The following SGCD variants were observed in gnomAD, a reference collection of about 807,000 sequenced individuals.
SGCD encodes the protein delta-sarcoglycan.
Under a neutral mutation model 36.6 loss-of-function variants are expected in SGCD, and 18 were observed. The observed-to-expected ratio is 0.49, with a 90% CI of 0.34 to 0.73. The LOEUF (loss-of-function observed/expected upper bound fraction) is 0.73. Ranked by LOEUF, SGCD falls within the 30% of genes least tolerant of loss-of-function variation. The probability of loss-of-function intolerance (pLI) is 0.01; values close to 1 mark genes in which losing one functional copy is unlikely to be tolerated. For missense variants in SGCD, 387 were observed against 346.7 expected, an observed-to-expected ratio of 1.12 and a Z score of -0.92; for synonymous variants, 133 against 130.6, an observed-to-expected ratio of 1.02 and a Z score of -0.12.
chr5:156,330,869 G>T (rs533691540), intron 2 of SGCD, among the ~76,000 whole-genome samples: 1 of 152,192 alleles, frequency 6.6e-6, no homozygotes, highest in Non-Finnish European at 1.5e-5. Context: ...GGTCCTGGCT[G>T]TGTGGCCATA....
chr5:156,444,013 A>T (rs1054593282), intron 3 of SGCD, among the ~76,000 whole-genome samples: 4 of 151,456 alleles, frequency 2.6e-5, no homozygotes, highest in African/African-American at 9.7e-5. Flanking sequence ...AACAAAACAG[A>T]TACTTGCTGA....
intron 7 of SGCD, among the ~76,000 whole-genome samples, chr5:156,673,889 A>G (rs973573393): frequency 2.6e-5 from 4 of 152,192 alleles, no homozygotes; most frequent in Non-Finnish European, 5.9e-5. Flanking sequence ...GTTATTCATG[A>G]TGGAGAATAT....
chr5:156,360,245 AT>A (rs34088944), intron 3 of SGCD, among the ~76,000 whole-genome samples: 20,068 of 137,976 alleles, frequency 0.15, 1,236 homozygotes, highest in Middle Eastern at 0.28. Flanking sequence ...CCCTTTCCTA[AT>A]TTTTTTTTTT....
At chr5:155,898,761 C>T (rs773502623) in intron 1 of SGCD, among the ~76,000 whole-genome samples, 7 of 152,104 alleles carry the variant, frequency 4.6e-5, no homozygotes, top group East Asian at 1.9e-4. Flanking sequence ...AAAACAAGCT[C>T]GTGAGGTTGC....
chr5:156,579,589 G>C (rs1760153111), intron 4 of SGCD, among the ~76,000 whole-genome samples: 2 of 152,056 alleles, frequency 1.3e-5, no homozygotes, highest in South Asian at 4.2e-4. Context: ...TATGAATCTG[G>C]GTGCTCCTGT....
In SGCD at chr5:155,969,121, A is replaced by T. The variant is rs75125959; in HGVS notation, c.-282+98697A>T. Among the ~76,000 whole-genome samples, 1,308 of 152,184 alleles carry T rather than the reference A, an allele frequency of 8.6e-3. 8 individuals carry two copies. The highest frequency in any genetic ancestry group is 0.015 in the Non-Finnish European group (1,049 of 67,986). On this transcript the variant is annotated intron_variant, in intron 1 of 9. Coordinates refer to the SGCD transcript ENST00000517913. ...TACAAAAAAAGGTATTGCTGTGAACATCTGTATGTATGTCTCCTTATGCCT... is the reference window on the plus strand; with the variant it reads ...TACAAAAAAAGGTATTGCTGTGAACTTCTGTATGTATGTCTCCTTATGCCT...
chr5:156,697,750 CGGATGGAT>C (rs10544582), intron 7 of SGCD, among the ~76,000 whole-genome samples: 3,798 of 149,132 alleles, frequency 0.025, 141 homozygotes, highest in East Asian at 0.16. Context: ...GATGGACGGA[CGGATGGAT>C]GGATGGATGG....
intron 3 of SGCD, among the ~76,000 whole-genome samples, chr5:156,350,789 T>A (rs539237397): frequency 6.6e-6 from 1 of 152,334 alleles, no homozygotes; most frequent in South Asian, 2.1e-4. Context: ...ATGTCTCTTC[T>A]GTGCTACTCA....
intron 6 of SGCD, among the ~76,000 whole-genome samples, chr5:156,611,964 A>T (rs1232688685): frequency 6.6e-6 from 1 of 152,164 alleles, no homozygotes; most frequent in East Asian, 1.9e-4. Flanking sequence ...TCTCATTCAG[A>T]TGATGAATTT....
At chr5:155,982,582 T>C (rs1463777142) in intron 1 of SGCD, among the ~76,000 whole-genome samples, 1 of 152,188 alleles carries the variant, frequency 6.6e-6, no homozygotes, top group African/African-American at 2.4e-5. Context: ...CTCTCCAGGT[T>C]ACTCTTTGTC....
At chr5:155,753,965 C>T in the SGCD span, among the ~76,000 whole-genome samples, 1 of 152,134 alleles carries the variant, frequency 6.6e-6, no homozygotes, top group Non-Finnish European at 1.5e-5. Flanking sequence ...TTGCCATAGT[C>T]CCCTGTCATT....
At chr5:156,700,822 G>A (rs1754498878) in intron 7 of SGCD, among the ~76,000 whole-genome samples, 1 of 151,776 alleles carries the variant, frequency 6.6e-6, no homozygotes, top group Admixed American at 6.6e-5. Flanking sequence ...ACACCCCTGT[G>A]GTCCCAGCTT....
intron 3 of SGCD, among the ~76,000 whole-genome samples, chr5:156,204,268 A>T (rs1764217015): frequency 6.6e-6 from 1 of 152,032 alleles, no homozygotes; most frequent in African/African-American, 2.4e-5. Context: ...GCTTTTTGTT[A>T]TGTAGTAAGA....
the SGCD span, among the ~76,000 whole-genome samples, chr5:155,778,956 C>T: frequency 6.6e-6 from 1 of 152,116 alleles, no homozygotes; most frequent in Non-Finnish European, 1.5e-5. Flanking sequence ...GGGCCAGGGC[C>T]TTTGAAGCCA....
chr5:156,300,267 T>C (rs930831282), intron 3 of SGCD, among the ~76,000 whole-genome samples: 1 of 152,084 alleles, frequency 6.6e-6, no homozygotes, highest in Non-Finnish European at 1.5e-5. Flanking sequence ...AGCTATAAAC[T>C]CTCCTCTTAG....
chr5:156,598,345 C>A (rs1336025238), intron 6 of SGCD, among the ~76,000 whole-genome samples: 1 of 152,036 alleles, frequency 6.6e-6, no homozygotes. Flanking sequence ...ATTTCAAGAC[C>A]AGCCTGACCA....
At chr5:156,371,629 C>T (rs1274949017) in intron 3 of SGCD, among the ~76,000 whole-genome samples, 1 of 152,178 alleles carries the variant, frequency 6.6e-6, no homozygotes, top group African/African-American at 2.4e-5. Context: ...TTTCCTTGAT[C>T]ATCAGCAAAC....
chr5:156,301,935 G>A (rs930093624), intron 3 of SGCD, among the ~76,000 whole-genome samples: 11 of 151,854 alleles, frequency 7.2e-5, no homozygotes, highest in Non-Finnish European at 1.2e-4. Context: ...TTTTGGAATC[G>A]TTTCTTAATC....
the SGCD span, among the ~76,000 whole-genome samples, chr5:155,803,458 A>G: frequency 6.6e-6 from 1 of 152,168 alleles, no homozygotes. Flanking sequence ...CACCAGACAG[A>G]GTAAGAGGGG....
Sources: gnomAD v4.1 joint callset for allele counts (sites outside exome capture counted in the v4.1 genomes callset) on GRCh38, gnomAD v4.1.1 for gene constraint, MANE v1.5 for transcripts, NCBI Gene and HGNC (gene_info 2026-07-23, HGNC 2026-07-21) for gene names.